Variants in PACC1 observed in about 807,000 individuals in gnomAD.
PACC1 encodes proton-activated chloride channel.
Under a neutral mutation model 39.7 loss-of-function variants are expected in PACC1, and 34 were observed. The observed-to-expected ratio is 0.86, with a 90% CI of 0.65 to 1.14. PACC1 has a LOEUF of 1.14. Ranked by LOEUF, PACC1 falls within the 50% of genes most tolerant of loss-of-function variation. The pLI, the probability that PACC1 is intolerant of heterozygous loss-of-function variation, is 0.00. For synonymous variants in PACC1, 127 were observed against 160.6 expected (o/e 0.79, Z 1.58); for missense variants, 379 against 436.4 (o/e 0.87, Z 1.17).
intron 7 of PACC1, among the ~76,000 whole-genome samples, chr1:212,373,892 G>C (rs890844834): frequency 6.6e-6 from 1 of 152,066 alleles, no homozygotes; most frequent in African/African-American, 2.4e-5. Context: ...GGGAATGCTT[G>C]TATACTGTTG....
chr1:212,385,893 C>T (rs1019324773), intron 3 of PACC1, among the ~76,000 whole-genome samples: 1 of 152,320 alleles, frequency 6.6e-6, no homozygotes, highest in Admixed American at 6.5e-5. Flanking sequence ...CCAGCCCAGG[C>T]ACCTCTACTG....
intron 2 of PACC1, among the ~76,000 whole-genome samples, chr1:212,406,446 G>T (rs1331765187): frequency 6.6e-6 from 1 of 152,162 alleles, no homozygotes; most frequent in Non-Finnish European, 1.5e-5. Context: ...AACTCAGGAG[G>T]TGGTGGTTGC....
At chr1:212,409,249 C>G (rs760970505) in intron 2 of PACC1, among the ~76,000 whole-genome samples, 17 of 152,138 alleles carry the variant, frequency 1.1e-4, no homozygotes, top group African/African-American at 2.4e-5. Context: ...ACAAACGCAC[C>G]ATTCCAACAG....
At chr1:212,389,058 A>G (rs1235633567) in intron 2 of PACC1, among the ~76,000 whole-genome samples, 3 of 152,234 alleles carry the variant, frequency 2.0e-5, no homozygotes, top group Non-Finnish European at 4.4e-5. Flanking sequence ...TGGGAGAATG[A>G]TCAAAAGCAG....
At chr1:212,407,900 C>T (rs1189400526) in intron 2 of PACC1, among the ~76,000 whole-genome samples, 3 of 152,046 alleles carry the variant, frequency 2.0e-5, no homozygotes, top group Admixed American at 6.6e-5. Context: ...CATGGTGAAA[C>T]CCCATCTCTA....
chr1:212,405,117 C>T (rs1661860406), intron 2 of PACC1, among the ~76,000 whole-genome samples: 1 of 152,160 alleles, frequency 6.6e-6, no homozygotes, highest in Admixed American at 6.5e-5. Flanking sequence ...AAGCACCTGA[C>T]TCTACCATTT....
chr1:212,383,070 T>C (rs1252633520), intron 4 of PACC1, among the ~76,000 whole-genome samples: 1 of 152,184 alleles, frequency 6.6e-6, no homozygotes, highest in African/African-American at 2.4e-5. Flanking sequence ...CTGGTTTGGG[T>C]AGGAAACTTG....
intron 2 of PACC1, among the ~76,000 whole-genome samples, chr1:212,409,492 A>G (rs981341215): frequency 6.6e-6 from 1 of 152,162 alleles, no homozygotes; most frequent in African/African-American, 2.4e-5. Context: ...AAAGATCAGC[A>G]TGGCTGAGGG....
chr1:212,389,785 G>C (rs1328937996), intron 2 of PACC1, among the ~76,000 whole-genome samples: 2 of 151,896 alleles, frequency 1.3e-5, no homozygotes, highest in Non-Finnish European at 2.9e-5. Context: ...TGGTTGCACA[G>C]CAATATGAAA....
At chr1:212,368,116 A>G (rs1660308869) in intron 7 of PACC1, among the ~76,000 whole-genome samples, 1 of 152,158 alleles carries the variant, frequency 6.6e-6, no homozygotes, top group Non-Finnish European at 1.5e-5. Context: ...CAAGTACATC[A>G]GGGCTGGATA....
rs756361683 is a variant in PACC1 at position 212,414,732 on chromosome 1, G to C, written c.26C>G (p.Ser9Cys). 3.1e-6 allele frequency: 5 copies of C among 1,613,680 alleles called. No homozygotes were observed. Among genetic ancestry groups the C allele is most frequent in the Non-Finnish European group, 4.2e-6 (5 of 1,179,638 alleles). MIRQERSTSYQELSEELVQ... is the reference protein window; with the variant it reads MIRQERSTCYQELSEELVQ... ...CTCACAACCTCGTACCTCCTGGTAG[G>C]ATGTGGAGCGCTCCTGCCGGATCAT... Residue 9 changes from serine (S) to cysteine (C), a missense_variant, in exon 1 of 8, where the codon TCC becomes TGC. Ser to Cys is a moderately radical substitution (Grantham distance 112). Coordinates refer to ENST00000261455, the MANE Select transcript of PACC1 (RefSeq NM_018252.3).
rs1007457179 is a variant in PACC1, at chr1:212,383,161, T to C, written c.495+2113A>G. Reference sequence around the variant, plus strand: ...ATTGATGGAGGAGATGAACCAACACTCAGACTTGGGGGCAGTAGCTGCATT... The same window carrying C: ...ATTGATGGAGGAGATGAACCAACACCCAGACTTGGGGGCAGTAGCTGCATT... On this transcript the variant is annotated intron_variant, in intron 4 of 7. Transcript: ENST00000261455. Among the ~76,000 whole-genome samples, 5 of 152,180 alleles carry C rather than the reference T, an allele frequency of 3.3e-5. 1 individual carries two copies. The highest frequency in any genetic ancestry group is 1.3e-4 in the Admixed American group (2 of 15,286).
intron 2 of PACC1, among the ~76,000 whole-genome samples, chr1:212,393,746 A>G (rs1415132568): frequency 1.3e-5 from 2 of 152,212 alleles, no homozygotes; most frequent in Admixed American, 6.5e-5. Context: ...AAAAAATGAT[A>G]AAGGGGATAT....
intron 4 of PACC1, among the ~76,000 whole-genome samples, 182 bp from the exon 5 acceptor site, chr1:212,380,219 A>G (rs1166290401): frequency 1.3e-5 from 2 of 152,224 alleles, no homozygotes; most frequent in African/African-American, 4.8e-5. Flanking sequence ...TTTTCCCCAT[A>G]TGATGCCCAA....
intron 2 of PACC1, among the ~76,000 whole-genome samples, chr1:212,393,614 C>CA (rs1293619237): frequency 6.6e-6 from 1 of 152,036 alleles, no homozygotes; most frequent in Non-Finnish European, 1.5e-5. Context: ...GACTGAGACA[C>CA]AAAAAACGCT....
At chr1:212,381,572 A>G (rs1355031545) in intron 4 of PACC1, among the ~76,000 whole-genome samples, 1 of 152,098 alleles carries the variant, frequency 6.6e-6, no homozygotes, top group Non-Finnish European at 1.5e-5. Context: ...GCCACGTGAT[A>G]AAGTTCCTAA....
intron 5 of PACC1, among the ~76,000 whole-genome samples, chr1:212,378,514 G>A (rs1382811701): frequency 1.3e-5 from 2 of 152,194 alleles, no homozygotes; most frequent in Non-Finnish European, 2.9e-5. Flanking sequence ...TGCCCCTGTA[G>A]CTGCCTCCCT....
chr1:212,406,004 T>C (rs544905428), intron 2 of PACC1, among the ~76,000 whole-genome samples: 4 of 147,092 alleles, frequency 2.7e-5, no homozygotes, highest in Non-Finnish European at 5.9e-5. Flanking sequence ...TAGCCAGGTA[T>C]GGTGGCGCAT....
chr1:212,413,749 A>C, intron 1 of PACC1: 1 of 845,956 alleles, frequency 1.2e-6, no homozygotes. Context: ...GGGCAGCGTC[A>C]GGTCTGAGAA....
Sources: allele counts gnomAD v4.1 joint callset (sites outside exome capture counted in the v4.1 genomes callset), GRCh38; gene constraint gnomAD v4.1.1; transcripts MANE v1.5; gene names NCBI Gene and HGNC (gene_info 2026-07-23, HGNC 2026-07-21).